MDGA2: variants seen among roughly 807,000 people sequenced by gnomAD.
MDGA2 encodes the protein MAM domain containing glycosylphosphatidylinositol anchor 2.
MDGA2 carries 40 observed loss-of-function variants against 117.8 expected under a neutral mutation model. The observed-to-expected ratio is 0.34, with a 90% CI of 0.26 to 0.44. The LOEUF (loss-of-function observed/expected upper bound fraction) is 0.44. Among genes scored for constraint, MDGA2 ranks in the 20% least tolerant of loss-of-function variants. MDGA2 has a pLI of 1.00. For synonymous variants in MDGA2, 452 were observed against 439.0 expected, an observed-to-expected ratio of 1.03 and a Z score of -0.37; for missense variants, 1,123 against 1,250.6, an observed-to-expected ratio of 0.90 and a Z score of 1.54.
chr14:46,967,016 C>T (rs1255952730), intron 8 of MDGA2, among the ~76,000 whole-genome samples: 1 of 151,014 alleles, frequency 6.6e-6, no homozygotes, highest in Non-Finnish European at 1.5e-5. Context: ...TCAATGAGTA[C>T]CAGAACTGTA....
chr14:47,070,126 T>C (rs527537782), intron 6 of MDGA2, among the ~76,000 whole-genome samples: 4 of 152,224 alleles, frequency 2.6e-5, no homozygotes, highest in South Asian at 4.1e-4. Context: ...TAATTGACTA[T>C]AGTCACCCTG....
At chr14:46,845,201 G>A (rs1880784353) in intron 16 of MDGA2, among the ~76,000 whole-genome samples, 2 of 152,134 alleles carry the variant, frequency 1.3e-5, no homozygotes, top group South Asian at 4.1e-4. Flanking sequence ...GATTTTATAA[G>A]GGGCACTTCC....
intron 13 of MDGA2, 112 bp downstream of exon 13, chr14:46,873,933 A>T: frequency 1.0e-6 from 1 of 988,812 alleles, no homozygotes; most frequent in Non-Finnish European, 1.4e-6. Context: ...CAGAAAATTT[A>T]ATATTTTATT....
At chr14:47,561,153 G>GTTTTTTTTTTTTTTTTTT (rs778265539) in intron 1 of MDGA2, among the ~76,000 whole-genome samples, 1 of 63,906 alleles carries the variant, frequency 1.6e-5, no homozygotes, top group Non-Finnish European at 3.8e-5. Context: ...TTTTTTTTTT[G>GTTTTTTTTTTTTTTTTTT]TTTTGTTTTG....
At chr14:47,287,064 T>G (rs9671434) in intron 2 of MDGA2, among the ~76,000 whole-genome samples, 13,841 of 151,964 alleles carry the variant, frequency 0.091, 784 homozygotes, top group Non-Finnish European at 0.11. Context: ...ACTATTCTTA[T>G]GTTACACAAG....
chr14:47,133,687 A>T (rs1882317725), intron 4 of MDGA2, among the ~76,000 whole-genome samples: 2 of 151,968 alleles, frequency 1.3e-5, no homozygotes, highest in Admixed American at 1.3e-4. Context: ...TCTGAACTCA[A>T]CATATCCTAA....
chr14:47,658,882 G>A (rs552289671), intron 1 of MDGA2, among the ~76,000 whole-genome samples: 14 of 152,262 alleles, frequency 9.2e-5, no homozygotes, highest in South Asian at 6.2e-4. Flanking sequence ...CAACTCTACA[G>A]CATCCCATGC....
intron 7 of MDGA2, among the ~76,000 whole-genome samples, chr14:47,059,819 T>C (rs1889816678): frequency 6.6e-6 from 1 of 152,116 alleles, no homozygotes; most frequent in South Asian, 2.1e-4. Context: ...AGAACATTTA[T>C]GGGAAACTAT....
chr14:47,210,651 G>C (rs1158493484), intron 3 of MDGA2, among the ~76,000 whole-genome samples: 1 of 152,090 alleles, frequency 6.6e-6, no homozygotes, highest in Non-Finnish European at 1.5e-5. Context: ...AGTGGCCATT[G>C]CTTCTTAGGA....
At chr14:46,858,290 A>AG (rs1289217373) in intron 14 of MDGA2, among the ~76,000 whole-genome samples, 1 of 150,998 alleles carries the variant, frequency 6.6e-6, no homozygotes, top group Non-Finnish European at 1.5e-5. Flanking sequence ...CTAGCCCTTT[A>AG]GTATAGTTTC....
At chr14:47,479,976 G>A (rs1431891590) in intron 1 of MDGA2, among the ~76,000 whole-genome samples, 1 of 151,992 alleles carries the variant, frequency 6.6e-6, no homozygotes, top group Non-Finnish European at 1.5e-5. Context: ...CAAAGGTTAT[G>A]CAATAATATC....
At chr14:47,653,612 T>C (rs995428181) in intron 1 of MDGA2, among the ~76,000 whole-genome samples, 1 of 152,142 alleles carries the variant, frequency 6.6e-6, no homozygotes, top group Non-Finnish European at 1.5e-5. Flanking sequence ...ACTGTGAATA[T>C]GTTAGACTGC....
intron 3 of MDGA2, among the ~76,000 whole-genome samples, chr14:47,164,673 C>T (rs1883788625): frequency 6.6e-6 from 1 of 152,168 alleles, no homozygotes; most frequent in African/African-American, 2.4e-5. Context: ...CTAGTTCAAC[C>T]ATTGTGGAAG....
intron 2 of MDGA2, among the ~76,000 whole-genome samples, chr14:47,218,996 T>C (rs1474586856): frequency 1.3e-5 from 2 of 152,064 alleles, no homozygotes; most frequent in East Asian, 3.9e-4. Flanking sequence ...TTTTAGTGTA[T>C]AAAACCTGAA....
intron 10 of MDGA2, among the ~76,000 whole-genome samples, chr14:46,889,160 T>C (rs768267682): frequency 6.6e-6 from 1 of 152,048 alleles, no homozygotes; most frequent in Non-Finnish European, 1.5e-5. Context: ...TAAATGAGTC[T>C]TATTTTTATT....
chr14:47,006,010 G>C (rs943942974), intron 8 of MDGA2, among the ~76,000 whole-genome samples: 4 of 151,478 alleles, frequency 2.6e-5, no homozygotes, highest in Admixed American at 6.6e-5. Flanking sequence ...AATGTTTTCT[G>C]AGAACCACTA....
intron 9 of MDGA2, among the ~76,000 whole-genome samples, chr14:46,951,359 T>C (rs1192532208): frequency 6.6e-6 from 1 of 151,982 alleles, no homozygotes; most frequent in African/African-American, 2.4e-5. Flanking sequence ...ATGATTCCTG[T>C]CTCTTGTTTT....
chr14:46,981,098 T>C (rs917666379), intron 8 of MDGA2, among the ~76,000 whole-genome samples: 5 of 151,950 alleles, frequency 3.3e-5, no homozygotes, highest in African/African-American at 1.2e-4. Flanking sequence ...GAAGACTCCT[T>C]TCAAGAGACT....
At chr14:47,657,434 G>A (rs1190660163) in intron 1 of MDGA2, among the ~76,000 whole-genome samples, 1 of 152,120 alleles carries the variant, frequency 6.6e-6, no homozygotes, top group Non-Finnish European at 1.5e-5. Flanking sequence ...AATAGCAAAA[G>A]CTCCCATTCA....
Sources: allele counts gnomAD v4.1 joint callset (sites outside exome capture counted in the v4.1 genomes callset), GRCh38; gene constraint gnomAD v4.1.1; transcripts MANE v1.5; gene names NCBI Gene and HGNC (gene_info 2026-07-23, HGNC 2026-07-21).